The following HHIPL2 variants were observed in gnomAD, a reference collection of about 807,000 sequenced individuals.
HHIPL2 encodes the protein HHIP-like protein 2.
In HHIPL2, 61 loss-of-function variants were observed where a neutral mutation model predicts 61.0. That is an observed-to-expected ratio of 1.00 (90% CI 0.81 to 1.24). The LOEUF is 1.24. HHIPL2 is among the 50% of genes most tolerant of loss of function. The pLI is 0.00. For missense variants in HHIPL2, 885 were observed against 910.2 expected (o/e 0.97, Z 0.36); for synonymous variants, 343 against 357.4 (o/e 0.96, Z 0.45).
intron 6 of HHIPL2, among the ~76,000 whole-genome samples, chr1:222,527,574 G>T (rs1659096894): frequency 6.6e-6 from 1 of 151,476 alleles, no homozygotes; most frequent in South Asian, 2.1e-4. Context: ...TCTCCTCTCG[G>T]TCTTTTCCAT....
chr1:222,547,902 T>C lies in HHIPL2; in HGVS notation c.143A>G (p.Tyr48Cys). 1.2e-6 allele frequency: 2 copies of C among 1,614,058 alleles called. No homozygotes were observed. Among genetic ancestry groups the C allele is most frequent in the Non-Finnish European group, 1.7e-6 (2 of 1,180,014 alleles). The change falls in exon 1 of 9, where the codon TAC (tyrosine) becomes TGC (cysteine). Residue 48 changes from tyrosine to cysteine, a missense_variant. Coordinates refer to ENST00000343410, the MANE Select transcript of HHIPL2 (RefSeq NM_024746.4). ...CAGAGGGGGCTGGAAAGGGGGCCCG[T>C]AATCCAGGCACTGGGGGTGTCCCTG... is the stretch of plus-strand genomic sequence containing the variant. ...LLQGHPQCLD[Y>C]GPPFQPPLHL...
At chr1:222,531,694 G>A (rs1659194963) in intron 6 of HHIPL2, among the ~76,000 whole-genome samples, 1 of 152,138 alleles carries the variant, frequency 6.6e-6, no homozygotes, top group African/African-American at 2.4e-5. Flanking sequence ...GTTGCAGTAA[G>A]CCGAGATGGC....
chr1:222,547,735 T>C lies in HHIPL2; in HGVS notation c.310A>G (p.Ile104Val), dbSNP rs755963475. 3 of 1,610,950 alleles carry C rather than the reference T, an allele frequency of 1.9e-6. No homozygotes were observed. The highest frequency in any genetic ancestry group is 1.1e-5 in the South Asian group (1 of 91,032). The change falls in exon 1 of 9, where the codon ATC (isoleucine) becomes GTC (valine). Residue 104 changes from isoleucine to valine, a missense_variant. By Grantham distance (29) the Ile-to-Val change is conservative. Transcript: ENST00000343410. ...GCACTTTTCACTACCTGGCAAAGGATGTCTTTAATGTAATCTCCACACAGC... is the reference window on the plus strand; with the variant it reads ...GCACTTTTCACTACCTGGCAAAGGACGTCTTTAATGTAATCTCCACACAGC... ...HELCGDYIKD[I>V]LCQECSPYAA...
Position 222,522,412 on chromosome 1 carries a change from C to T in HHIPL2, c.*189G>A. 2 of 643,162 alleles carry T rather than the reference C, an allele frequency of 3.1e-6. No individual in the cohort carries two copies. The highest frequency in any genetic ancestry group is 2.6e-5 in the East Asian group (1 of 38,280). The allele number at this position is 643,162 out of a possible 1,614,324, so 39.8% of individuals were successfully genotyped here. A position where few individuals can be genotyped will look rare whatever the true frequency, so the allele number is the denominator to read the frequency against. ...TCTGGGATATGGTCTCCCACAGAAG[C>T]ACTGCATACAGAGAAGGTGCATTTA... On this transcript the variant is annotated 3_prime_UTR_variant, in exon 9 of 9. Coordinates refer to ENST00000343410, the MANE Select transcript of HHIPL2 (RefSeq NM_024746.4).
intron 2 of HHIPL2, among the ~76,000 whole-genome samples, chr1:222,542,803 A>G (rs1327449771): frequency 6.6e-6 from 1 of 152,072 alleles, no homozygotes; most frequent in Non-Finnish European, 1.5e-5. Context: ...GATTACAGGC[A>G]TGAGCCACCA....
In HHIPL2 at chr1:222,542,042, G is replaced by T. The variant is rs146335870; in HGVS notation, c.1088C>A (p.Pro363His). The change falls in exon 3 of 9, where the codon CCC becomes CAC. Residue 363 changes from proline to histidine, a missense_variant. Coordinates refer to ENST00000343410, the MANE Select transcript of HHIPL2 (RefSeq NM_024746.4). Reference sequence around the variant, plus strand: ...CTGAGCATTTCCAAACAGGCCAAAGGGATCTCCAGCCTGTCCCCCGTCCCC... The same window carrying T: ...CTGAGCATTTCCAAACAGGCCAAAGTGATCTCCAGCCTGTCCCCCGTCCCC... ...FTGDGGQAGD[P>H]FGLFGNAQNK... 60 of 1,613,620 alleles carry T rather than the reference G, an allele frequency of 3.7e-5. No individual in the cohort carries two copies. Among genetic ancestry groups the T allele is most frequent in the Non-Finnish European group, 5.0e-5 (59 of 1,179,948 alleles).
chr1:222,540,197 C>T lies in HHIPL2; in HGVS notation c.1263G>A (p.Met421Ile), dbSNP rs532515976. 5.1e-5 allele frequency: 82 copies of T among 1,614,270 alleles called. No individual in the cohort carries two copies. In the South Asian group the frequency reaches 8.1e-4, roughly 16 times the overall value. The stretch of plus-strand genomic sequence containing the variant: ...CCCCTCGGTCCACAGCACAACGCCA[C>T]ATGTTCCTGATCCCATAGGCATAGA... ...PAIYAYGIRN[M>I]WRCAVDRGDP... Residue 421 changes from methionine (M) to isoleucine (I), a missense_variant, in exon 4 of 9, where the codon ATG becomes ATA. Transcript: ENST00000343410.
At position 222,540,149 on chromosome 1, in the gene HHIPL2, T is replaced by G. The variant is rs1659399003; in HGVS notation, c.1311A>C (p.Arg437=). The change falls in exon 4 of 9, where the codon CGA becomes CGC. Residue 437 remains arginine (R), a synonymous_variant. Transcript: ENST00000343410. ...CCACGTCCCCACAGAATATCCGGCC[T>G]CGGCCCTGGCGCGTGATGGGGTCCC... ...DRGDPITRQG[R]GRIFCGDVGQ... is the part of the protein sequence containing the mutation. 6.2e-7 allele frequency: 1 copy of G among 1,614,276 alleles called. No homozygotes were observed. The highest frequency in any genetic ancestry group is 2.2e-5 in the East Asian group (1 of 44,892).
chr1:222,542,095 G>C lies in HHIPL2; in HGVS notation c.1035C>G (p.Gly345=). 1 of 1,613,840 alleles carries C rather than the reference G, an allele frequency of 6.2e-7. No individual in the cohort carries two copies. Among genetic ancestry groups the C allele is most frequent in the Non-Finnish European group, 8.5e-7 (1 of 1,179,966 alleles). The part of the protein sequence containing the change: ...SNHNGGQLLF[G]LDGYMYIFTG... ...TGAATATGTACATATAGCCATCCAG[G>C]CCAAAAAGAAGTTGTCCGCCATTAT... The change falls in exon 3 of 9, where the codon GGC becomes GGG. Residue 345 remains glycine (G), a synonymous_variant. Coordinates refer to ENST00000343410, the MANE Select transcript of HHIPL2 (RefSeq NM_024746.4).
intron 5 of HHIPL2, among the ~76,000 whole-genome samples, chr1:222,535,834 C>A (rs1051642269): frequency 2.0e-5 from 3 of 151,828 alleles, no homozygotes; most frequent in African/African-American, 4.8e-5. Flanking sequence ...AAATAGAAAT[C>A]AATAGCAGAA....
chr1:222,541,149 A>T (rs565746547), intron 3 of HHIPL2, among the ~76,000 whole-genome samples: 4 of 152,328 alleles, frequency 2.6e-5, no homozygotes, highest in African/African-American at 9.6e-5. Context: ...GTTACTGTGT[A>T]TATAGCGTTT....
chr1:222,546,326 G>A lies in HHIPL2; in HGVS notation c.321+1398C>T, dbSNP rs192452602. Among the ~76,000 whole-genome samples the A allele has an allele frequency of 2.0e-4, 30 of 152,334 alleles. 1 individual carries two copies. In the South Asian group the frequency reaches 5.2e-3, roughly 26 times the overall value. Reference sequence around the variant, plus strand: ...GTGCCCCAGGATTGTTTTACCTTGGGTAAGTCATCTAAACTCTTGAGCCCT... The same window carrying A: ...GTGCCCCAGGATTGTTTTACCTTGGATAAGTCATCTAAACTCTTGAGCCCT... On this transcript the variant is annotated intron_variant, in intron 1 of 8. Coordinates refer to ENST00000343410, the MANE Select transcript of HHIPL2 (RefSeq NM_024746.4).
intron 6 of HHIPL2, among the ~76,000 whole-genome samples, chr1:222,528,820 A>T (rs1571765623): frequency 7.8e-6 from 1 of 128,842 alleles, no homozygotes; most frequent in African/African-American, 3.0e-5. Flanking sequence ...TAAACAACTA[A>T]TTTTTTTTTT....
intron 6 of HHIPL2, 128 bp downstream of exon 6, chr1:222,531,838 A>C (rs1415688103): frequency 1.6e-5 from 13 of 805,656 alleles, no homozygotes; most frequent in Non-Finnish European, 1.7e-5. Flanking sequence ...AGTACATTAT[A>C]AAAGATGACT....
At chr1:222,527,522 C>T (rs896469929) in intron 6 of HHIPL2, among the ~76,000 whole-genome samples, 2 of 152,026 alleles carry the variant, frequency 1.3e-5, no homozygotes, top group African/African-American at 4.8e-5. Context: ...TCATTCTGTC[C>T]TTGAGTTCCT....
Position 222,547,831 on chromosome 1 carries a change from G to A in HHIPL2, c.214C>T (p.Gln72Ter), listed in dbSNP as rs938482666. The A allele has an allele frequency of 4.3e-6, 7 of 1,614,038 alleles. No individual in the cohort carries two copies. In the Admixed American group the frequency reaches 6.7e-5, roughly 15 times the overall value. Reference protein sequence around the residue: ...SDYESFGCCDQHKDRRIAARY... With the variant: ...SDYESFGCCD ...GCAGCGATGCGGCGGTCCTTGTGCT[G>A]ATCACAGCAGCCGAAGGACTCATAG... Residue 72 changes from glutamine (Q) to a stop codon, truncating the protein, a stop_gained, in exon 1 of 9, where the codon CAG (glutamine) becomes TAG (stop). Transcript: ENST00000343410. LOFTEE classifies it high-confidence loss of function.
At chr1:222,541,298 A>G (rs180675031) in intron 3 of HHIPL2, among the ~76,000 whole-genome samples, 237 of 152,328 alleles carry the variant, frequency 1.6e-3, no homozygotes, top group Middle Eastern at 3.4e-3. Flanking sequence ...CATGACCTTT[A>G]TCTAGGCAAG....
At chr1:222,540,678 G>C (rs1214108357) in intron 3 of HHIPL2, among the ~76,000 whole-genome samples, 1 of 152,144 alleles carries the variant, frequency 6.6e-6, no homozygotes, top group Non-Finnish European at 1.5e-5. Flanking sequence ...TCTCTGATTT[G>C]GTCTAATATG....
chr1:222,531,808 A>G (rs1425827577), intron 6 of HHIPL2, among the ~76,000 whole-genome samples, 158 bp downstream of exon 6: 1 of 152,218 alleles, frequency 6.6e-6, no homozygotes, highest in Non-Finnish European at 1.5e-5. Flanking sequence ...AAAAAATGTG[A>G]AGTGCTTAGA....
Sources: gnomAD v4.1 joint callset for allele counts (sites outside exome capture counted in the v4.1 genomes callset) on GRCh38, gnomAD v4.1.1 for gene constraint, MANE v1.5 for transcripts, NCBI Gene and HGNC (gene_info 2026-07-23, HGNC 2026-07-21) for gene names.